The following ANP32B variants were observed in gnomAD, a reference collection of about 807,000 sequenced individuals.
ANP32B encodes the protein acidic nuclear phosphoprotein 32 family member B.
Under a neutral mutation model 32.2 loss-of-function variants are expected in ANP32B, and 6 were observed. That is an observed-to-expected ratio of 0.19 (90% CI 0.10 to 0.37). The LOEUF (loss-of-function observed/expected upper bound fraction) is 0.37, where lower values mean the gene tolerates loss of function less well. Among genes scored for constraint, ANP32B ranks in the 10% least tolerant of loss-of-function variants. The pLI is 1.00. For synonymous variants in ANP32B, 98 were observed against 105.8 expected, an observed-to-expected ratio of 0.93 and a Z score of 0.45; for missense variants, 204 against 289.2, an observed-to-expected ratio of 0.71 and a Z score of 2.14.
At chr9:97,992,903 A>G (rs1441337823) in intron 1 of ANP32B, among the ~76,000 whole-genome samples, 11 of 152,190 alleles carry the variant, frequency 7.2e-5, no homozygotes, top group Admixed American at 7.2e-4. Context: ...GGTAGGTACT[A>G]TTATCTCCAC....
intron 4 of ANP32B, 28 bp from the exon 5 acceptor site, chr9:98,011,243 T>A (rs1033698717): frequency 1.3e-6 from 2 of 1,549,762 alleles, no homozygotes; most frequent in African/African-American, 2.7e-5. Flanking sequence ...CGAGGATATT[T>A]AATGAATCCC....
intron 6 of ANP32B, among the ~76,000 whole-genome samples, chr9:98,013,025 C>G (rs144040914): frequency 1.4e-4 from 22 of 152,196 alleles, no homozygotes; most frequent in African/African-American, 4.8e-4. Context: ...CCACCACACC[C>G]GGCCTGTTGT....
intron 6 of ANP32B, 138 bp downstream of exon 6, chr9:98,012,610 T>C: frequency 7.6e-7 from 1 of 1,307,392 alleles, no homozygotes; most frequent in Non-Finnish European, 1.0e-6. Flanking sequence ...TTCTCGTTTC[T>C]ATCGTCCCAT....
chr9:98,005,137 A>C lies in ANP32B; in HGVS notation c.501A>C (p.Glu167Asp), dbSNP rs1232087697. 1.1e-5 allele frequency: 17 copies of C among 1,613,300 alleles called. No homozygotes were observed. Among genetic ancestry groups the C allele is most frequent in the Non-Finnish European group, 1.4e-5 (16 of 1,179,772 alleles). The change falls in exon 4 of 7, where the codon GAA becomes GAC. Residue 167 changes from glutamate to aspartate, a missense_variant. Physicochemically the swap from Glu to Asp is conservative, Grantham distance 45. Coordinates refer to ENST00000339399, the MANE Select transcript of ANP32B (RefSeq NM_006401.3). ...ATGCCGAGGTGGATGGTGTGGATGA[A>C]GAGGAGGAGGACGAAGGTGAGTAGG... is the stretch of plus-strand genomic sequence containing the variant. Reference protein sequence around the residue: ...DSDAEVDGVDEEEEDEEGEDE... With the variant: ...DSDAEVDGVDDEEEDEEGEDE...
rs1283271826 is a variant in ANP32B, at chr9:98,015,537, C to T, written c.*106C>T. 1.3e-5 allele frequency: 19 copies of T among 1,436,748 alleles called. No individual in the cohort carries two copies. The highest frequency in any genetic ancestry group is 1.7e-5 in the Non-Finnish European group (19 of 1,091,756). The allele number at this position is 1,436,748 out of a possible 1,614,324, so 89.0% of individuals were successfully genotyped here. ...AAAAAGGTAGCTGTGATACAAACCCCAGGACACCCACCCACCCAAAGAGCC... is the reference window on the plus strand; with the variant it reads ...AAAAAGGTAGCTGTGATACAAACCCTAGGACACCCACCCACCCAAAGAGCC... On this transcript the variant is annotated 3_prime_UTR_variant, in exon 7 of 7. Coordinates refer to ENST00000339399, the MANE Select transcript of ANP32B (RefSeq NM_006401.3).
intron 3 of ANP32B, chr9:98,002,243 T>C (rs1828006210): frequency 6.6e-6 from 1 of 152,158 alleles, no homozygotes; most frequent in African/African-American, 2.4e-5. Flanking sequence ...TTATAGTCAA[T>C]GCAATGATTG....
At chr9:98,014,387 G>A (rs904006980) in intron 6 of ANP32B, among the ~76,000 whole-genome samples, 4 of 151,574 alleles carry the variant, frequency 2.6e-5, no homozygotes, top group Non-Finnish European at 4.4e-5. Flanking sequence ...CAGCCTGGGC[G>A]ACGGAGCCAG....
rs202205946 is a variant in ANP32B, at chr9:98,010,263, T to G, written c.518-1008T>G. On this transcript the variant is annotated intron_variant, in intron 4 of 6. Coordinates refer to ENST00000339399, the MANE Select transcript of ANP32B (RefSeq NM_006401.3). The stretch of plus-strand genomic sequence containing the variant: ...TCTTGGACCTTACAGAGAAATGGTG[T>G]TTTTTTTTTTTTGTTTTTTTTTTTT... Among the ~76,000 whole-genome samples, 9 of 28,512 alleles carry G rather than the reference T, an allele frequency of 3.2e-4. No individual in the cohort carries two copies. The South Asian group carries it at 5.2e-3, about 16-fold the overall frequency. 18.7% of individuals were successfully genotyped at this position (28,512 alleles called of 152,430 possible). A position where few individuals can be genotyped will look rare whatever the true frequency, so the allele number is the denominator to read the frequency against.
chr9:97,988,648 C>T (rs538230715), intron 1 of ANP32B, among the ~76,000 whole-genome samples: 6 of 152,128 alleles, frequency 3.9e-5, no homozygotes, highest in Non-Finnish European at 8.8e-5. Context: ...TTGCTTGAAC[C>T]CCGGGGACAG....
At chr9:97,993,573 GATT>G (rs1222100996) in intron 1 of ANP32B, among the ~76,000 whole-genome samples, 1 of 152,172 alleles carries the variant, frequency 6.6e-6, no homozygotes, top group Non-Finnish European at 1.5e-5. Flanking sequence ...TGGCAATATG[GATT>G]ATTGTGGTGG....
At chr9:97,991,060 G>A (rs1287699943) in intron 1 of ANP32B, among the ~76,000 whole-genome samples, 1 of 151,552 alleles carries the variant, frequency 6.6e-6, no homozygotes, top group Non-Finnish European at 1.5e-5. Context: ...GACCTCAGGT[G>A]ATCTGCCCGC....
chr9:98,006,318 A>T (rs1382902192), intron 4 of ANP32B, among the ~76,000 whole-genome samples: 1 of 152,204 alleles, frequency 6.6e-6, no homozygotes, highest in African/African-American at 2.4e-5. Flanking sequence ...GTACAGCTGT[A>T]TCTGGTGACA....
chr9:98,013,060 G>C (rs1042968987), intron 6 of ANP32B, among the ~76,000 whole-genome samples: 1 of 152,152 alleles, frequency 6.6e-6, no homozygotes, highest in African/African-American at 2.4e-5. Context: ...GTCTTGCTCT[G>C]TCGCCCAGTC....
rs1317900693 is a variant in ANP32B at position 97,984,391 on chromosome 9, C to G, written c.54+782C>G. Among the ~76,000 whole-genome samples the G allele has an allele frequency of 7.3e-5, 11 of 151,540 alleles. No homozygotes were observed. In the East Asian group the frequency reaches 2.1e-3, roughly 30 times the overall value. ...CTCCCTCTTCGCCCTCGGCCTTGCC[C>G]ACTCCTGCCTCCCAGGGGCAGCCCG... On this transcript the variant is annotated intron_variant, in intron 1 of 6. Coordinates refer to ENST00000339399, the MANE Select transcript of ANP32B (RefSeq NM_006401.3).
chr9:98,014,000 T>G (rs1017853613), intron 6 of ANP32B, among the ~76,000 whole-genome samples: 1 of 151,710 alleles, frequency 6.6e-6, no homozygotes, highest in Non-Finnish European at 1.5e-5. Flanking sequence ...GAGGGAGACC[T>G]TGTCTCAAAT....
intron 1 of ANP32B, among the ~76,000 whole-genome samples, chr9:97,985,737 T>C (rs1393546252): frequency 6.6e-6 from 1 of 152,204 alleles, no homozygotes; most frequent in African/African-American, 2.4e-5. Flanking sequence ...GTTGGTCTGC[T>C]GTTCCCCTTA....
intron 6 of ANP32B, among the ~76,000 whole-genome samples, chr9:98,012,704 C>T (rs928599186): frequency 2.0e-5 from 3 of 152,102 alleles, no homozygotes; most frequent in Non-Finnish European, 4.4e-5. Context: ...GTCTTCAGTC[C>T]TCATGGGGTT....
intron 3 of ANP32B, among the ~76,000 whole-genome samples, chr9:98,002,115 A>G (rs980756583): frequency 2.6e-5 from 4 of 152,198 alleles, no homozygotes; most frequent in African/African-American, 9.7e-5. Context: ...GAGAAGGTGA[A>G]GGGGGGAAGA....
rs750060597 is a variant in ANP32B at position 98,015,755 on chromosome 9, A to G, written c.*324A>G. The G allele has an allele frequency of 4.0e-6, 4 of 1,007,816 alleles. No homozygotes were observed. Among genetic ancestry groups the G allele is most frequent in the Non-Finnish European group, 4.7e-6 (4 of 844,372 alleles). 62.4% of individuals were successfully genotyped at this position (1,007,816 alleles called of 1,614,324 possible). A position where few individuals can be genotyped will look rare whatever the true frequency, so the allele number is the denominator to read the frequency against. On this transcript the variant is annotated 3_prime_UTR_variant, in exon 7 of 7. Coordinates refer to ENST00000339399, the MANE Select transcript of ANP32B (RefSeq NM_006401.3). Reference sequence around the variant, plus strand: ...GGCTACCAGTTACACTGAGATTGTAACAGCATTTTTACTTTCTGTACAACA... The same window carrying G: ...GGCTACCAGTTACACTGAGATTGTAGCAGCATTTTTACTTTCTGTACAACA...
Sources: allele counts gnomAD v4.1 joint callset (sites outside exome capture counted in the v4.1 genomes callset), GRCh38; gene constraint gnomAD v4.1.1; transcripts MANE v1.5; gene names NCBI Gene and HGNC (gene_info 2026-07-23, HGNC 2026-07-21).